Variants in SIPA1L2 observed in about 807,000 individuals in gnomAD.
The protein encoded by SIPA1L2 is signal-induced proliferation-associated 1-like protein 2.
A neutral mutation model predicts 163.9 loss-of-function variants in SIPA1L2; 56 were observed. The observed-to-expected ratio is 0.34, with a 90% CI of 0.28 to 0.43. The LOEUF is 0.43. Among genes scored for constraint, SIPA1L2 ranks in the 20% least tolerant of loss-of-function variants. SIPA1L2 has a pLI of 1.00. For missense variants in SIPA1L2, 1,974 were observed against 2,193.5 expected (o/e 0.90, Z 2.00); for synonymous variants, 877 against 865.7 (o/e 1.01, Z -0.23).
chr1:232,536,418 C>T (rs1657310438), intron 2 of SIPA1L2, among the ~76,000 whole-genome samples: 1 of 152,098 alleles, frequency 6.6e-6, no homozygotes, highest in Admixed American at 6.5e-5. Flanking sequence ...ATATTCTAGC[C>T]GTAAGGGTCC....
At chr1:232,578,612 G>C (rs1660205455) in intron 1 of SIPA1L2, among the ~76,000 whole-genome samples, 1 of 152,122 alleles carries the variant, frequency 6.6e-6, no homozygotes, top group African/African-American at 2.4e-5. Flanking sequence ...TCCTGTTAAT[G>C]AAACAGTCTG....
chr1:232,597,761 C>A (rs1430629709), intron 1 of SIPA1L2, among the ~76,000 whole-genome samples: 1 of 150,230 alleles, frequency 6.7e-6, no homozygotes, highest in Admixed American at 6.6e-5. Context: ...CAGGCCCCTA[C>A]TGTGATCCAG....
At chr1:232,450,324 T>C (rs1382265577) in intron 10 of SIPA1L2, among the ~76,000 whole-genome samples, 1 of 152,238 alleles carries the variant, frequency 6.6e-6, no homozygotes, top group East Asian at 1.9e-4. Flanking sequence ...TGGATTTATA[T>C]TGCTTCCAAG....
intron 17 of SIPA1L2, among the ~76,000 whole-genome samples, chr1:232,427,287 T>A (rs1198857939): frequency 6.6e-6 from 1 of 152,246 alleles, no homozygotes; most frequent in Admixed American, 6.5e-5. Context: ...ACCAGCAGGT[T>A]CTTCAGAACT....
rs774466058 is a variant in SIPA1L2, at chr1:232,465,113, C to T, written c.2547G>A (p.Leu849=). The T allele has an allele frequency of 9.3e-6, 15 of 1,614,188 alleles. No individual in the cohort carries two copies. The highest frequency in any genetic ancestry group is 1.3e-5 in the Non-Finnish European group (15 of 1,180,032). Residue 849 remains leucine, a synonymous_variant, in exon 9 of 23, where the codon TTG becomes TTA. Coordinates refer to ENST00000674635, the MANE Select transcript of SIPA1L2 (RefSeq NM_020808.5). The surrounding 1 kb of genome is among the most constrained non-coding windows in gnomAD (Gnocchi z 4.1). The part of the protein sequence containing the change: ...EKVKPRKDAH[L]FSIGAIMWHV... ...GCCACATGATGGCCCCAATGCTAAA[C>T]AAGTGGGCATCCTTCCTTGGCTTTA... is the stretch of plus-strand genomic sequence containing the variant.
chr1:232,560,747 T>TA (rs1254122805), intron 2 of SIPA1L2, among the ~76,000 whole-genome samples: 1 of 152,182 alleles, frequency 6.6e-6, no homozygotes, highest in Non-Finnish European at 1.5e-5. Flanking sequence ...TCAAAGCTTC[T>TA]AAGTGCATAT....
chr1:232,574,277 G>C (rs1346264505), intron 1 of SIPA1L2, among the ~76,000 whole-genome samples, 55 bp from the exon 2 acceptor site: 2 of 152,190 alleles, frequency 1.3e-5, no homozygotes, highest in African/African-American at 2.4e-5. Flanking sequence ...TTGGTCAGCA[G>C]TTTCAACATG....
chr1:232,450,718 A>T (rs1352749205), intron 10 of SIPA1L2, among the ~76,000 whole-genome samples: 1 of 152,226 alleles, frequency 6.6e-6, no homozygotes, highest in Non-Finnish European at 1.5e-5. Flanking sequence ...AAGAGGAAAA[A>T]AGAAAGAGAA....
intron 2 of SIPA1L2, among the ~76,000 whole-genome samples, chr1:232,568,072 G>C (rs1303396266): frequency 6.6e-6 from 1 of 152,218 alleles, no homozygotes; most frequent in Non-Finnish European, 1.5e-5. Context: ...CATTTCATCT[G>C]TAGAAGAGAC....
At chr1:232,484,934 A>G (rs1393760637) in intron 5 of SIPA1L2, among the ~76,000 whole-genome samples, 1 of 152,234 alleles carries the variant, frequency 6.6e-6, no homozygotes, top group African/African-American at 2.4e-5. Context: ...ATCAAAATTC[A>G]TAGCTATCTT....
At chr1:232,554,322 A>T (rs1040054872) in intron 2 of SIPA1L2, among the ~76,000 whole-genome samples, 1 of 152,234 alleles carries the variant, frequency 6.6e-6, no homozygotes, top group Non-Finnish European at 1.5e-5. Context: ...AACTTCAATA[A>T]CAGGACACAA....
intron 3 of SIPA1L2, among the ~76,000 whole-genome samples, chr1:232,501,019 G>C (rs1273938265): frequency 6.9e-6 from 1 of 145,290 alleles, no homozygotes; most frequent in African/African-American, 2.5e-5. Flanking sequence ...CTGAAGGCTC[G>C]GTGATTGTTA....
intron 7 of SIPA1L2, among the ~76,000 whole-genome samples, chr1:232,475,063 GAGA>G (rs1157699153): frequency 7.9e-5 from 12 of 152,214 alleles, no homozygotes; most frequent in African/African-American, 2.9e-4. Context: ...CAGGTCTCCA[GAGA>G]AGGTCTTTAG....
At chr1:232,544,089 C>T (rs555006839) in intron 2 of SIPA1L2, among the ~76,000 whole-genome samples, 11 of 151,068 alleles carry the variant, frequency 7.3e-5, no homozygotes, top group Non-Finnish European at 1.3e-4. Context: ...TACACAAAAA[C>T]ATGTGCATGT....
chr1:232,560,974 A>G (rs1369205901), intron 2 of SIPA1L2, among the ~76,000 whole-genome samples: 1 of 152,230 alleles, frequency 6.6e-6, no homozygotes, highest in East Asian at 1.9e-4. Context: ...TCAAAGCATT[A>G]AACTTTCATT....
chr1:232,534,941 C>T (rs1657211585), intron 2 of SIPA1L2, among the ~76,000 whole-genome samples: 1 of 152,190 alleles, frequency 6.6e-6, no homozygotes, highest in Non-Finnish European at 1.5e-5. Context: ...TAGGCTTTGA[C>T]AAATGGAATA....
chr1:232,606,461 G>A (rs756459621), intron 1 of SIPA1L2, among the ~76,000 whole-genome samples: 7 of 152,030 alleles, frequency 4.6e-5, no homozygotes, highest in Non-Finnish European at 1.0e-4. Flanking sequence ...AGCTTTAACG[G>A]TATTTTTAAA....
chr1:232,605,584 C>T (rs1661868850), intron 1 of SIPA1L2, among the ~76,000 whole-genome samples: 1 of 152,134 alleles, frequency 6.6e-6, no homozygotes, highest in Admixed American at 6.5e-5. Context: ...ATCCCAGCTA[C>T]TTGGGAGGTT....
intron 3 of SIPA1L2, among the ~76,000 whole-genome samples, chr1:232,506,036 C>T (rs924361677): frequency 6.6e-6 from 1 of 152,100 alleles, no homozygotes; most frequent in African/African-American, 2.4e-5. Flanking sequence ...GGTGTAGGCC[C>T]GCCTACAACT....
Sources: gnomAD v4.1 joint callset for allele counts (sites outside exome capture counted in the v4.1 genomes callset) on GRCh38, gnomAD v4.1.1 for gene constraint, Gnocchi (gnomAD v3.1) non-coding constraint, MANE v1.5 for transcripts, NCBI Gene and HGNC (gene_info 2026-07-23, HGNC 2026-07-21) for gene names.